The following ARMH4 variants were observed in gnomAD, a reference collection of about 807,000 sequenced individuals.
ARMH4 encodes the protein armadillo-like helical domain-containing protein 4.
A neutral mutation model predicts 61.9 loss-of-function variants in ARMH4; 49 were observed. That is an observed-to-expected ratio of 0.79 (90% CI 0.63 to 1.00). The LOEUF (loss-of-function observed/expected upper bound fraction) is 1.00, where lower values mean the gene tolerates loss of function less well. ARMH4 is among the 50% of genes least tolerant of loss of function. ARMH4 has a pLI of 0.00. For missense variants in ARMH4, 934 were observed against 930.0 expected (o/e 1.00, Z -0.06); for synonymous variants, 368 against 341.5 (o/e 1.08, Z -0.85).
intron 1 of ARMH4, among the ~76,000 whole-genome samples, chr14:58,151,363 C>T (rs1887912517): frequency 6.6e-6 from 1 of 152,152 alleles, no homozygotes; most frequent in Admixed American, 6.5e-5. Flanking sequence ...TGGGCACCTC[C>T]GGCAGCACCT....
intron 4 of ARMH4, among the ~76,000 whole-genome samples, chr14:58,115,314 A>T (rs1886481636): frequency 1.3e-5 from 2 of 152,138 alleles, no homozygotes; most frequent in South Asian, 4.1e-4. Flanking sequence ...AAGAAGACTT[A>T]TGAAAAAATG....
In ARMH4 at chr14:58,002,371, T is replaced by G. The variant is rs1454277783; in HGVS notation, c.*2365A>C. On this transcript the variant is annotated 3_prime_UTR_variant, in exon 8 of 8. Transcript: ENST00000267485. ...TGTACTCTAAGTATAATCTTTTCCT[T>G]TAAGAAATCATGTGTCCCAAAAAGG... The G allele has an allele frequency of 6.6e-6, 1 of 152,190 alleles. No individual in the cohort carries two copies. The highest frequency in any genetic ancestry group is 1.9e-4 in the East Asian group (1 of 5,196). 9.4% of individuals were successfully genotyped at this position (152,190 alleles called of 1,614,324 possible). A position where few individuals can be genotyped will look rare whatever the true frequency, so the allele number is the denominator to read the frequency against.
At chr14:58,043,523 C>A (rs952580256) in intron 5 of ARMH4, among the ~76,000 whole-genome samples, 4 of 152,172 alleles carry the variant, frequency 2.6e-5, no homozygotes, top group African/African-American at 9.7e-5. Context: ...AAACTGGAAG[C>A]ATTCCCTTTG....
At chr14:58,123,734 T>C (rs1193866885) in intron 4 of ARMH4, among the ~76,000 whole-genome samples, 2 of 152,200 alleles carry the variant, frequency 1.3e-5, no homozygotes, top group African/African-American at 4.8e-5. Context: ...TCACCTGGAC[T>C]GTTTTACCCC....
chr14:58,138,168 G>A lies in ARMH4; in HGVS notation c.1191C>T (p.Ser397=). 6.2e-7 allele frequency: 1 copy of A among 1,614,176 alleles called. No homozygotes were observed. The highest frequency in any genetic ancestry group is 8.5e-7 in the Non-Finnish European group (1 of 1,180,018). The change falls in exon 2 of 8, where the codon TCC becomes TCT. Residue 397 remains serine, a synonymous_variant. Transcript: ENST00000267485. The part of the protein sequence containing the change: ...ERSPAFTDQS[S]FTPTSLMEDM... The stretch of plus-strand genomic sequence containing the variant: ...CTTCCATCAGACTTGTGGGGGTAAA[G>A]GAACTTTGATCAGTGAAAGCAGGTG...
rs5808958 is a variant in ARMH4, at chr14:58,098,775, CTT to C, written c.1832-1796_1832-1795del. 1.0e-4 allele frequency among the ~76,000 whole-genome samples: 15 copies of C among 143,842 alleles called. No individual in the cohort carries two copies. In the East Asian group the frequency reaches 2.0e-3, roughly 19 times the overall value. 94.4% of individuals were successfully genotyped at this position (143,842 alleles called of 152,430 possible). A position where few individuals can be genotyped will look rare whatever the true frequency, so the allele number is the denominator to read the frequency against. On this transcript the variant is annotated intron_variant, in intron 4 of 7. Transcript: ENST00000267485. ...AGAAGTAGGCAGGGGCCAGATCTGA[CTT>C]TTTTTTTTTTTAAGTCTTTTATTTA... is the stretch of plus-strand genomic sequence containing the variant.
intron 5 of ARMH4, among the ~76,000 whole-genome samples, chr14:58,061,476 CTG>C (rs1408113889): frequency 2.0e-5 from 3 of 152,196 alleles, no homozygotes; most frequent in Admixed American, 6.5e-5. Flanking sequence ...AGGACTGACA[CTG>C]TAGCTTTCCA....
At chr14:58,108,923 T>C (rs986649088) in intron 4 of ARMH4, among the ~76,000 whole-genome samples, 4 of 152,250 alleles carry the variant, frequency 2.6e-5, no homozygotes, top group African/African-American at 9.6e-5. Flanking sequence ...TTGCACTTTC[T>C]TAATGACTAA....
chr14:58,028,369 G>C (rs1883094853), intron 5 of ARMH4, among the ~76,000 whole-genome samples: 1 of 152,158 alleles, frequency 6.6e-6, no homozygotes, highest in Non-Finnish European at 1.5e-5. Context: ...CACCCACCTG[G>C]AACAGGGTTG....
At position 58,150,832 on chromosome 14, in the gene ARMH4, T is replaced by C. The variant is rs550987570; in HGVS notation, c.-57+1243A>G. On this transcript the variant is annotated intron_variant, in intron 1 of 7. Transcript: ENST00000267485. ...TAAAAGAAGCAATGTTCTGATACTG[T>C]GAAACCTTAGCCGGTTGTGTGTTTC... Among the ~76,000 whole-genome samples, 4 of 152,342 alleles carry C rather than the reference T, an allele frequency of 2.6e-5. No homozygotes were observed. The South Asian group carries it at 8.3e-4, about 32-fold the overall frequency.
At chr14:58,074,052 T>C (rs1404291052) in intron 5 of ARMH4, among the ~76,000 whole-genome samples, 1 of 152,194 alleles carries the variant, frequency 6.6e-6, no homozygotes, top group East Asian at 1.9e-4. Flanking sequence ...CAAGCACATT[T>C]AAAAGGCTAA....
intron 5 of ARMH4, among the ~76,000 whole-genome samples, chr14:58,061,027 T>C (rs1884512785): frequency 6.6e-6 from 1 of 152,182 alleles, no homozygotes. Flanking sequence ...ATAGCCCTGC[T>C]TGAGCCCCTC....
At chr14:58,140,576 AAAATAAATAAAT>A (rs142870008) in intron 1 of ARMH4, among the ~76,000 whole-genome samples, 138 of 149,672 alleles carry the variant, frequency 9.2e-4, no homozygotes, top group African/African-American at 3.3e-3. Flanking sequence ...ATCCGTCTCA[AAAATAAATAAAT>A]AAATAAATAA....
chr14:58,085,859 A>T (rs1380433718), intron 5 of ARMH4, among the ~76,000 whole-genome samples: 2 of 152,234 alleles, frequency 1.3e-5, no homozygotes, highest in African/African-American at 2.4e-5. Context: ...CAGCTCCTAC[A>T]GGGCATTAAA....
At chr14:58,086,412 T>C (rs992936898) in intron 5 of ARMH4, among the ~76,000 whole-genome samples, 2 of 152,192 alleles carry the variant, frequency 1.3e-5, no homozygotes, top group Admixed American at 1.3e-4. Context: ...TTGGAGTAAG[T>C]AGAACCAGCA....
intron 5 of ARMH4, among the ~76,000 whole-genome samples, chr14:58,046,114 A>T (rs568104025): frequency 3.8e-4 from 58 of 152,298 alleles, no homozygotes; most frequent in African/African-American, 1.4e-3. Context: ...CAGCCCAAGG[A>T]AAGTAGTATA....
intron 1 of ARMH4, among the ~76,000 whole-genome samples, chr14:58,143,129 T>A (rs1233663997): frequency 6.6e-6 from 1 of 152,196 alleles, no homozygotes; most frequent in African/African-American, 2.4e-5. Context: ...AGAACTGGTA[T>A]AAAATAACAA....
chr14:58,111,128 C>A (rs919571488), intron 4 of ARMH4, among the ~76,000 whole-genome samples: 4 of 152,100 alleles, frequency 2.6e-5, no homozygotes, highest in African/African-American at 9.7e-5. Context: ...AACATATTTG[C>A]TAACAGTTGG....
intron 5 of ARMH4, among the ~76,000 whole-genome samples, chr14:58,042,190 T>G (rs1386992345): frequency 6.6e-6 from 1 of 152,154 alleles, no homozygotes; most frequent in Admixed American, 6.5e-5. Flanking sequence ...ATTGACCACA[T>G]AGTTGGAAAT....
Sources: allele counts gnomAD v4.1 joint callset (sites outside exome capture counted in the v4.1 genomes callset), GRCh38; gene constraint gnomAD v4.1.1; transcripts MANE v1.5; gene names NCBI Gene and HGNC (gene_info 2026-07-23, HGNC 2026-07-21).